GRM8: variants seen among roughly 807,000 people sequenced by gnomAD.
GRM8 encodes the protein glutamate metabotropic receptor 8, also known as metabotropic glutamate receptor 8.
Under a neutral mutation model 87.2 loss-of-function variants are expected in GRM8, and 47 were observed. That is an observed-to-expected ratio of 0.54 (90% CI 0.43 to 0.69). The LOEUF (loss-of-function observed/expected upper bound fraction) is 0.69. Ranked by LOEUF, GRM8 falls within the 30% of genes least tolerant of loss-of-function variation. GRM8 has a pLI of 0.00. For missense variants in GRM8, 1,019 were observed against 1,139.2 expected (o/e 0.89, Z 1.52); for synonymous variants, 396 against 404.5 (o/e 0.98, Z 0.25).
At chr7:127,021,433 G>A (rs1334785413) in intron 3 of GRM8, among the ~76,000 whole-genome samples, 1 of 151,854 alleles carries the variant, frequency 6.6e-6, no homozygotes, top group African/African-American at 2.4e-5. Flanking sequence ...TTTTTCTAAT[G>A]ATAAAAGTGG....
At chr7:127,116,601 G>T (rs1003587892) in intron 2 of GRM8, among the ~76,000 whole-genome samples, 1 of 152,210 alleles carries the variant, frequency 6.6e-6, no homozygotes, top group Non-Finnish European at 1.5e-5. Flanking sequence ...CACCTGGTCC[G>T]CAAGGGACAG....
intron 8 of GRM8, among the ~76,000 whole-genome samples, chr7:126,536,956 C>T (rs942755408): frequency 2.6e-5 from 4 of 152,052 alleles, no homozygotes; most frequent in African/African-American, 9.7e-5. Context: ...TCTCAATATG[C>T]TTTACTTCTC....
At chr7:126,874,113 C>A (rs1799337672) in intron 6 of GRM8, among the ~76,000 whole-genome samples, 1 of 152,160 alleles carries the variant, frequency 6.6e-6, no homozygotes, top group African/African-American at 2.4e-5. Flanking sequence ...GCTTTGCCCT[C>A]TTTCCTGAGT....
intron 6 of GRM8, among the ~76,000 whole-genome samples, chr7:126,873,580 C>T (rs1799289556): frequency 6.6e-6 from 1 of 152,034 alleles, no homozygotes; most frequent in Non-Finnish European, 1.5e-5. Context: ...ATGACCAATC[C>T]CTATCCTATA....
At chr7:126,764,596 T>C (rs766060990) in intron 7 of GRM8, among the ~76,000 whole-genome samples, 2 of 152,108 alleles carry the variant, frequency 1.3e-5, no homozygotes, top group Non-Finnish European at 2.9e-5. Context: ...TCAATAAGGT[T>C]TCTAAAGGAA....
intron 7 of GRM8, among the ~76,000 whole-genome samples, chr7:126,728,772 G>A (rs6974018): frequency 0.66 from 99,799 of 151,944 alleles, 33,344 homozygotes; most frequent in African/African-American, 0.78. Flanking sequence ...ACCATCCATG[G>A]TCCAGGGGAG....
intron 8 of GRM8, among the ~76,000 whole-genome samples, chr7:126,590,834 C>T (rs1290855467): frequency 1.3e-5 from 2 of 152,012 alleles, no homozygotes; most frequent in African/African-American, 4.8e-5. Flanking sequence ...AGAGAATATA[C>T]CACTACCAAG....
intron 3 of GRM8, among the ~76,000 whole-genome samples, chr7:127,083,571 C>T (rs1388505140): frequency 6.6e-6 from 1 of 151,978 alleles, no homozygotes; most frequent in Non-Finnish European, 1.5e-5. Context: ...TGCCCTACCT[C>T]CTTAGTTTGG....
chr7:126,721,495 C>G (rs929564426), intron 7 of GRM8, among the ~76,000 whole-genome samples: 1 of 151,962 alleles, frequency 6.6e-6, no homozygotes, highest in African/African-American at 2.4e-5. Context: ...TTGCCATTGC[C>G]CACAACACTT....
At chr7:127,164,566 G>C (rs910254839) in intron 2 of GRM8, among the ~76,000 whole-genome samples, 1 of 152,164 alleles carries the variant, frequency 6.6e-6, no homozygotes, top group Admixed American at 6.5e-5. Flanking sequence ...CTTGAACAAT[G>C]TATTCATTCA....
At chr7:126,589,523 G>A (rs1031185476) in intron 8 of GRM8, among the ~76,000 whole-genome samples, 2 of 152,080 alleles carry the variant, frequency 1.3e-5, no homozygotes, top group African/African-American at 2.4e-5. Context: ...CCAACTTGAT[G>A]GTATTTCTCT....
intron 2 of GRM8, among the ~76,000 whole-genome samples, chr7:127,220,558 C>G (rs1193316159): frequency 6.6e-6 from 1 of 152,080 alleles, no homozygotes; most frequent in South Asian, 2.1e-4. Flanking sequence ...AATCATGGCT[C>G]ACTATAGCCT....
intron 2 of GRM8, among the ~76,000 whole-genome samples, chr7:127,212,103 G>C (rs11563482): frequency 0.013 from 1,907 of 152,262 alleles, 46 homozygotes; most frequent in African/African-American, 0.044. Context: ...GACCGGCAGA[G>C]CCAGCATAAA....
chr7:126,703,667 C>A (rs1482234560), intron 7 of GRM8, among the ~76,000 whole-genome samples: 1 of 152,166 alleles, frequency 6.6e-6, no homozygotes. Context: ...TTGAGCGACC[C>A]TCTTGCCTCA....
At chr7:126,496,235 A>G (rs1033793293) in intron 9 of GRM8, among the ~76,000 whole-genome samples, 10 of 152,084 alleles carry the variant, frequency 6.6e-5, no homozygotes, top group Middle Eastern at 3.4e-3. Context: ...AAAGGGAGAC[A>G]GTGTGGAAGG....
chr7:126,518,506 A>G (rs1368431245), intron 9 of GRM8, among the ~76,000 whole-genome samples: 1 of 152,080 alleles, frequency 6.6e-6, no homozygotes, highest in African/African-American at 2.4e-5. Flanking sequence ...CTTTCTGCCT[A>G]AGATAGCTCA....
chr7:127,011,846 G>A (rs1416482865), intron 3 of GRM8, among the ~76,000 whole-genome samples: 2 of 152,098 alleles, frequency 1.3e-5, no homozygotes, highest in Non-Finnish European at 2.9e-5. Flanking sequence ...AGTGGATGAT[G>A]CAACTGGCAT....
intron 7 of GRM8, among the ~76,000 whole-genome samples, chr7:126,740,631 T>G (rs10244839): frequency 6.6e-6 from 1 of 152,126 alleles, no homozygotes; most frequent in Non-Finnish European, 1.5e-5. Flanking sequence ...TTTATATTGT[T>G]TACCTCAGTT....
chr7:126,489,451 T>C (rs1186172304), intron 9 of GRM8, among the ~76,000 whole-genome samples: 1 of 152,050 alleles, frequency 6.6e-6, no homozygotes, highest in Non-Finnish European at 1.5e-5. Context: ...ATTTGAATAT[T>C]GGCAAAGTAC....
Sources: allele counts gnomAD v4.1 joint callset (sites outside exome capture counted in the v4.1 genomes callset), GRCh38; gene constraint gnomAD v4.1.1; transcripts MANE v1.5; gene names NCBI Gene and HGNC (gene_info 2026-07-23, HGNC 2026-07-21).